Variants in WDPCP observed in about 807,000 individuals in gnomAD.
WDPCP encodes WD repeat containing planar cell polarity effector.
A neutral mutation model predicts 93.1 loss-of-function variants in WDPCP; 71 were observed. That is an observed-to-expected ratio of 0.76 (90% CI 0.63 to 0.93). The LOEUF (loss-of-function observed/expected upper bound fraction) is 0.93, where lower values mean the gene tolerates loss of function less well. Ranked by LOEUF, WDPCP falls within the 40% of genes least tolerant of loss-of-function variation. WDPCP has a pLI of 0.00. For synonymous variants in WDPCP, 315 were observed against 315.0 expected, an observed-to-expected ratio of 1.00 and a Z score of 0.00; for missense variants, 844 against 887.4, an observed-to-expected ratio of 0.95 and a Z score of 0.62.
chr2:63,316,993 G>A lies in WDPCP; in HGVS notation c.1749-3682C>T, dbSNP rs527513084. On this transcript the variant is annotated intron_variant, in intron 12 of 17. Coordinates refer to ENST00000272321, the MANE Select transcript of WDPCP (RefSeq NM_015910.7). ...AGCAGGAATACAGCTAACCAGGGAGGTGAAAGATCTCTACAATGAGAATTA... is the reference window on the plus strand; with the variant it reads ...AGCAGGAATACAGCTAACCAGGGAGATGAAAGATCTCTACAATGAGAATTA... 1.2e-4 allele frequency among the ~76,000 whole-genome samples: 19 copies of A among 152,272 alleles called. 1 individual carries two copies. The highest frequency in any genetic ancestry group is 4.3e-4 in the African/African-American group (18 of 41,546).
chr2:63,701,227 T>A (rs1011946461), intron 2 of WDPCP, among the ~76,000 whole-genome samples: 1 of 151,992 alleles, frequency 6.6e-6, no homozygotes, highest in Non-Finnish European at 1.5e-5. Context: ...AGAAGACATA[T>A]AAATGACCAA....
chr2:63,693,439 TTAGATAGATAGATAGATAGATAGATAGA>T (rs55755279), intron 2 of WDPCP, among the ~76,000 whole-genome samples: 2 of 145,530 alleles, frequency 1.4e-5, no homozygotes, highest in African/African-American at 5.1e-5. Flanking sequence ...GATATAGATA[TTAGATAGATAGATAGATAGATAGATAGA>T]TAGATAGATA....
intron 1 of WDPCP, among the ~76,000 whole-genome samples, chr2:63,817,535 A>G (rs376485700): frequency 1.4e-4 from 22 of 152,366 alleles, no homozygotes; most frequent in East Asian, 9.6e-4. Flanking sequence ...ACTATAGTCC[A>G]TGGGTTAAAT....
chr2:63,436,735 G>GA (rs1323462776), intron 8 of WDPCP, among the ~76,000 whole-genome samples: 1 of 152,026 alleles, frequency 6.6e-6, no homozygotes, highest in African/African-American at 2.4e-5. Context: ...AAACAGCCTG[G>GA]AAAATGTATT....
At chr2:63,436,674 T>A (rs1474471031) in intron 8 of WDPCP, among the ~76,000 whole-genome samples, 2 of 152,058 alleles carry the variant, frequency 1.3e-5, no homozygotes, top group Admixed American at 1.3e-4. Context: ...ATCATAGAGG[T>A]TGGATCAATC....
chr2:63,302,214 T>G (rs1685385417), intron 13 of WDPCP, among the ~76,000 whole-genome samples: 1 of 152,172 alleles, frequency 6.6e-6, no homozygotes, highest in African/African-American at 2.4e-5. Context: ...CATAGAAGGA[T>G]GTTAGGCTGC....
chr2:63,216,568 G>C (rs1283104314), intron 14 of WDPCP, among the ~76,000 whole-genome samples: 1 of 152,104 alleles, frequency 6.6e-6, no homozygotes, highest in Non-Finnish European at 1.5e-5. Context: ...GTGGTATTGG[G>C]GGAGGGGAGA....
intron 3 of WDPCP, among the ~76,000 whole-genome samples, chr2:63,613,537 G>C (rs1709638483): frequency 6.6e-6 from 1 of 152,230 alleles, no homozygotes. Flanking sequence ...AAAGCAGGCT[G>C]TAGCAGTACA....
intron 2 of WDPCP, among the ~76,000 whole-genome samples, chr2:63,743,483 A>G (rs370302409): frequency 6.6e-6 from 1 of 152,266 alleles, no homozygotes; most frequent in South Asian, 2.1e-4. Flanking sequence ...TGTTGATTCT[A>G]CAGTTTTTAA....
chr2:63,302,209 A>G (rs1009277258), intron 13 of WDPCP, among the ~76,000 whole-genome samples: 3 of 152,174 alleles, frequency 2.0e-5, no homozygotes, highest in Non-Finnish European at 2.9e-5. Flanking sequence ...CCTCTCATAG[A>G]AGGATGTTAG....
chr2:63,134,790 C>T (rs1446445344), intron 17 of WDPCP, among the ~76,000 whole-genome samples: 3 of 151,998 alleles, frequency 2.0e-5, no homozygotes, highest in Non-Finnish European at 4.4e-5. Flanking sequence ...AGGGAAATTG[C>T]TGTGTATCTC....
chr2:63,604,720 G>A, intron 3 of WDPCP: 1 of 1,613,974 alleles, frequency 6.2e-7, no homozygotes, highest in Admixed American at 1.7e-5. Context: ...TGGTGTGACT[G>A]CTAATGATGT....
intron 1 of WDPCP, among the ~76,000 whole-genome samples, chr2:63,542,206 A>G (rs1441489421): frequency 6.6e-6 from 1 of 152,190 alleles, no homozygotes; most frequent in Non-Finnish European, 1.5e-5. Context: ...TGAAGCCTGA[A>G]TACTGCATTC....
chr2:63,352,703 C>A (rs1288505129), intron 12 of WDPCP, among the ~76,000 whole-genome samples: 2 of 152,126 alleles, frequency 1.3e-5, no homozygotes, highest in Admixed American at 6.6e-5. Flanking sequence ...AGTGGAAAGG[C>A]AGCTGTTGAG....
intron 3 of WDPCP, among the ~76,000 whole-genome samples, chr2:63,612,331 C>A (rs528387460): frequency 9.1e-4 from 138 of 152,178 alleles, no homozygotes; most frequent in Non-Finnish European, 1.7e-3. Flanking sequence ...GGTAAGGGCT[C>A]AATTTACTTA....
chr2:63,555,097 AG>A (rs1396389862), intron 1 of WDPCP, among the ~76,000 whole-genome samples: 1 of 152,124 alleles, frequency 6.6e-6, no homozygotes, highest in Non-Finnish European at 1.5e-5. Flanking sequence ...CCAAGTTCCC[AG>A]GGAGAGGGGC....
At chr2:63,838,185 T>C in the WDPCP span, among the ~76,000 whole-genome samples, 1 of 152,026 alleles carries the variant, frequency 6.6e-6, no homozygotes, top group East Asian at 1.9e-4. Context: ...TATATACTTA[T>C]GGAATGTTCG....
At chr2:63,166,650 C>T (rs890222861) in intron 15 of WDPCP, among the ~76,000 whole-genome samples, 42 of 152,094 alleles carry the variant, frequency 2.8e-4, no homozygotes, top group Non-Finnish European at 5.7e-4. Flanking sequence ...GCCTCAGCCT[C>T]CCTAAATGTT....
intron 13 of WDPCP, among the ~76,000 whole-genome samples, chr2:63,288,103 G>A (rs1384279188): frequency 6.6e-6 from 1 of 152,144 alleles, no homozygotes; most frequent in African/African-American, 2.4e-5. Flanking sequence ...TCATGCCAAG[G>A]GAAGGCACAG....
Sources: gnomAD v4.1 joint callset for allele counts (sites outside exome capture counted in the v4.1 genomes callset) on GRCh38, gnomAD v4.1.1 for gene constraint, MANE v1.5 for transcripts, NCBI Gene and HGNC (gene_info 2026-07-23, HGNC 2026-07-21) for gene names.